NPAS3: variants seen among roughly 807,000 people sequenced by gnomAD.
The protein encoded by NPAS3 is neuronal PAS domain-containing protein 3.
NPAS3 carries 14 observed loss-of-function variants against 73.1 expected under a neutral mutation model. The ratio of observed to expected loss-of-function variants is 0.19; its 90% CI spans 0.13 to 0.30. The LOEUF is 0.30. Among genes scored for constraint, NPAS3 ranks in the 10% least tolerant of loss-of-function variants. The pLI, the probability that NPAS3 is intolerant of heterozygous loss-of-function variation, is 1.00. For synonymous variants in NPAS3, 620 were observed against 541.5 expected, an observed-to-expected ratio of 1.14 and a Z score of -2.01; for missense variants, 1,096 against 1,250.0, an observed-to-expected ratio of 0.88 and a Z score of 1.86.
chr14:33,599,611 C>T (rs569443822), intron 5 of NPAS3, among the ~76,000 whole-genome samples: 1 of 152,076 alleles, frequency 6.6e-6, no homozygotes. Context: ...TACTGTAAAA[C>T]TGAGTGCTAT....
At chr14:33,610,371 T>A (rs997596956) in intron 5 of NPAS3, among the ~76,000 whole-genome samples, 10 of 152,266 alleles carry the variant, frequency 6.6e-5, no homozygotes, top group Middle Eastern at 3.4e-3. Flanking sequence ...CATCTCCTCA[T>A]TGTGCAAAGT....
downstream of NPAS3, chr14:33,802,669 C>A (rs2063744778): frequency 6.6e-6 from 1 of 152,224 alleles, no homozygotes; most frequent in African/African-American, 2.4e-5. Context: ...TTTGTCTTAT[C>A]TGTGCTCTAT....
intron 10 of NPAS3, among the ~76,000 whole-genome samples, chr14:33,795,352 G>A (rs2138646722): frequency 6.6e-6 from 1 of 152,220 alleles, no homozygotes; most frequent in Admixed American, 6.5e-5. Context: ...TGATTTCCGT[G>A]CAAAGTCTCC....
intron 3 of NPAS3, among the ~76,000 whole-genome samples, chr14:33,366,561 A>C (rs2045855596): frequency 6.6e-6 from 1 of 152,162 alleles, no homozygotes; most frequent in Admixed American, 6.5e-5. Flanking sequence ...CCAAGGATCT[A>C]CCTGGGCTTC....
chr14:33,724,756 A>T (rs2061216279), intron 6 of NPAS3, among the ~76,000 whole-genome samples: 1 of 152,180 alleles, frequency 6.6e-6, no homozygotes, highest in Admixed American at 6.6e-5. Context: ...TCTCAAAAAA[A>T]AAAAACAAAT....
At chr14:33,249,240 C>T (rs112198968) in intron 3 of NPAS3, among the ~76,000 whole-genome samples, 1,588 of 152,032 alleles carry the variant, frequency 0.01, 11 homozygotes, top group Non-Finnish European at 0.016. Context: ...GCCTTTTTTC[C>T]AAAGCGAAGT....
At chr14:33,227,200 A>G (rs540418861) in intron 3 of NPAS3, among the ~76,000 whole-genome samples, 2 of 152,136 alleles carry the variant, frequency 1.3e-5, no homozygotes, top group African/African-American at 2.4e-5. Flanking sequence ...GCTTTTCATT[A>G]TATCTTCTAT....
intron 3 of NPAS3, among the ~76,000 whole-genome samples, chr14:33,220,343 G>C (rs552075059): frequency 6.6e-6 from 1 of 152,124 alleles, no homozygotes; most frequent in African/African-American, 2.4e-5. Flanking sequence ...GCCAGTGTTC[G>C]TTGTTGTTTA....
chr14:33,196,782 A>G (rs1398553756), intron 2 of NPAS3, among the ~76,000 whole-genome samples: 1 of 152,234 alleles, frequency 6.6e-6, no homozygotes, highest in Admixed American at 6.5e-5. Flanking sequence ...AGTAACATAT[A>G]AATGAATGCT....
intron 5 of NPAS3, among the ~76,000 whole-genome samples, chr14:33,631,492 G>A (rs2058375573): frequency 6.6e-6 from 1 of 152,194 alleles, no homozygotes; most frequent in South Asian, 2.1e-4. Flanking sequence ...ACAGTCTGCT[G>A]CAAGAAATAT....
intron 3 of NPAS3, among the ~76,000 whole-genome samples, chr14:33,254,159 T>C (rs1376688405): frequency 6.6e-6 from 1 of 152,014 alleles, no homozygotes; most frequent in East Asian, 1.9e-4. Flanking sequence ...CTCCTACCCA[T>C]CCTCAATTCC....
intron 1 of NPAS3, among the ~76,000 whole-genome samples, chr14:32,972,250 C>T (rs2037465111): frequency 6.6e-6 from 1 of 152,052 alleles, no homozygotes; most frequent in Non-Finnish European, 1.5e-5. Flanking sequence ...CAGTGGGACT[C>T]TTGATCAGCC....
intron 4 of NPAS3, among the ~76,000 whole-genome samples, chr14:33,390,760 T>A (rs1369139491): frequency 6.6e-6 from 1 of 152,204 alleles, no homozygotes; most frequent in Non-Finnish European, 1.5e-5. Context: ...TCTGTGCTTG[T>A]GTGTTACATT....
At chr14:33,745,640 C>T (rs546858560) in intron 7 of NPAS3, among the ~76,000 whole-genome samples, 2 of 152,204 alleles carry the variant, frequency 1.3e-5, no homozygotes, top group Non-Finnish European at 2.9e-5. Flanking sequence ...TTAATTTCTA[C>T]ACCTCTGCAG....
At chr14:33,549,385 C>T (rs1276041713) in intron 4 of NPAS3, among the ~76,000 whole-genome samples, 1 of 152,140 alleles carries the variant, frequency 6.6e-6, no homozygotes, top group African/African-American at 2.4e-5. Context: ...GCATGTGGCA[C>T]CAGAGCCGGC....
At chr14:33,311,444 A>G (rs781043964) in intron 3 of NPAS3, among the ~76,000 whole-genome samples, 8 of 152,160 alleles carry the variant, frequency 5.3e-5, no homozygotes, top group Admixed American at 1.3e-4. Context: ...CTGAACTTAT[A>G]TATCCTACAA....
At chr14:33,155,259 G>T (rs2044605672) in intron 2 of NPAS3, among the ~76,000 whole-genome samples, 1 of 152,192 alleles carries the variant, frequency 6.6e-6, no homozygotes, top group Non-Finnish European at 1.5e-5. Flanking sequence ...GTTGATGGGA[G>T]AATTATTTAG....
intron 4 of NPAS3, among the ~76,000 whole-genome samples, chr14:33,559,700 G>T (rs912750611): frequency 6.6e-6 from 1 of 152,160 alleles, no homozygotes; most frequent in African/African-American, 2.4e-5. Flanking sequence ...TAGGACTTTC[G>T]TTAAACATGG....
intron 4 of NPAS3, among the ~76,000 whole-genome samples, chr14:33,553,591 G>A (rs1595142047): frequency 6.6e-6 from 1 of 152,178 alleles, no homozygotes; most frequent in Non-Finnish European, 1.5e-5. Flanking sequence ...GTACCTGACA[G>A]TATGAACCTA....
Sources: allele counts gnomAD v4.1 joint callset (sites outside exome capture counted in the v4.1 genomes callset), GRCh38; gene constraint gnomAD v4.1.1; transcripts MANE v1.5; gene names NCBI Gene and HGNC (gene_info 2026-07-23, HGNC 2026-07-21).